The following PTPN2 variants were observed in gnomAD, a reference collection of about 807,000 sequenced individuals.
PTPN2 encodes tyrosine-protein phosphatase non-receptor type 2.
In PTPN2, 19 loss-of-function variants were observed where a neutral mutation model predicts 57.3. That is an observed-to-expected ratio of 0.33 (90% CI 0.23 to 0.49). PTPN2 has a LOEUF of 0.49. Among genes scored for constraint, PTPN2 ranks in the 20% least tolerant of loss-of-function variants. The pLI is 0.99. For missense variants in PTPN2, 358 were observed against 501.1 expected, an observed-to-expected ratio of 0.71 and a Z score of 2.73; for synonymous variants, 153 against 164.9, an observed-to-expected ratio of 0.93 and a Z score of 0.55.
chr18:12,876,296 A>AGAAGAAGAAGAAGAAGAAGAAGAAG (rs1555681230), intron 1 of PTPN2, among the ~76,000 whole-genome samples: 1 of 145,074 alleles, frequency 6.9e-6, no homozygotes, highest in Non-Finnish European at 1.5e-5. Context: ...ACAACAACAA[A>AGAAGAAGAAGAAGAAGAAGAAGAAG]AAGAAGAAGA....
At chr18:12,798,219 A>G (rs1463366767) in intron 8 of PTPN2, among the ~76,000 whole-genome samples, 1 of 152,194 alleles carries the variant, frequency 6.6e-6, no homozygotes, top group African/African-American at 2.4e-5. Flanking sequence ...TTTATACATC[A>G]CACATACATA....
chr18:12,848,314 T>C (rs775094358), intron 2 of PTPN2, among the ~76,000 whole-genome samples: 1 of 152,252 alleles, frequency 6.6e-6, no homozygotes, highest in Non-Finnish European at 1.5e-5. Flanking sequence ...AGAGGGGTTA[T>C]CTACGAAGCA....
chr18:12,812,964 T>TA (rs1185348504), intron 7 of PTPN2, among the ~76,000 whole-genome samples: 37 of 148,382 alleles, frequency 2.5e-4, no homozygotes, highest in Admixed American at 2.4e-3. Context: ...ATCTCTGTGA[T>TA]AAAAAAAGAT....
chr18:12,801,581 T>C (rs570687669), intron 8 of PTPN2, among the ~76,000 whole-genome samples: 1 of 152,268 alleles, frequency 6.6e-6, no homozygotes, highest in African/African-American at 2.4e-5. Flanking sequence ...ATTATTATTA[T>C]TTATGAGACA....
chr18:12,883,096 T>C (rs550343046), intron 1 of PTPN2, among the ~76,000 whole-genome samples: 3 of 152,312 alleles, frequency 2.0e-5, no homozygotes, highest in Admixed American at 6.5e-5. Context: ...ATTAGGGCGA[T>C]AGGCATCGGA....
chr18:12,821,121 C>T (rs1490279127), intron 5 of PTPN2, among the ~76,000 whole-genome samples: 1 of 152,114 alleles, frequency 6.6e-6, no homozygotes, highest in East Asian at 1.9e-4. Flanking sequence ...TACTTTCACA[C>T]TTTAGGTATA....
intron 1 of PTPN2, among the ~76,000 whole-genome samples, chr18:12,868,055 C>T (rs1257024325): frequency 2.0e-5 from 3 of 152,272 alleles, no homozygotes; most frequent in South Asian, 2.1e-4. Flanking sequence ...CTATCAACTC[C>T]TTAAGTCTCA....
chr18:12,838,445 T>A (rs925998342), intron 2 of PTPN2, among the ~76,000 whole-genome samples: 22 of 152,206 alleles, frequency 1.4e-4, no homozygotes, highest in Non-Finnish European at 1.5e-5. Context: ...GACTCTGAAC[T>A]AAAATTCACT....
chr18:12,829,382 G>A (rs779666937), intron 4 of PTPN2, among the ~76,000 whole-genome samples: 4 of 151,758 alleles, frequency 2.6e-5, no homozygotes, highest in Non-Finnish European at 5.9e-5. Context: ...GTGGGTGCTT[G>A]TAATCCCAGT....
At chr18:12,826,403 G>A (rs1330778780) in intron 4 of PTPN2, among the ~76,000 whole-genome samples, 1 of 151,954 alleles carries the variant, frequency 6.6e-6, no homozygotes, top group Non-Finnish European at 1.5e-5. Flanking sequence ...ACTCCATCTC[G>A]GGGAGCAGGG....
chr18:12,874,683 G>T (rs1270939352), intron 1 of PTPN2, among the ~76,000 whole-genome samples: 2 of 149,072 alleles, frequency 1.3e-5, no homozygotes, highest in African/African-American at 2.5e-5. Context: ...GGAGGGAGGT[G>T]GGGGGGTCAA....
At chr18:12,858,727 G>A (rs1424387682) in intron 2 of PTPN2, among the ~76,000 whole-genome samples, 2 of 151,778 alleles carry the variant, frequency 1.3e-5, no homozygotes, top group Non-Finnish European at 2.9e-5. Flanking sequence ...ACTCTTCTCT[G>A]TTTTCTAAGT....
rs115618888 is a variant in PTPN2, at chr18:12,824,622, C to T, written c.495+1188G>A. 3.7e-3 allele frequency among the ~76,000 whole-genome samples: 564 copies of T among 152,224 alleles called. 2 individuals carry two copies. The highest frequency in any genetic ancestry group is 0.013 in the African/African-American group (551 of 41,540). ...TAGCATCTCAGAATTACTCTCATTT[C>T]ATTATTTTCTAGTTTATTCTATTAC... is the stretch of plus-strand genomic sequence containing the variant. On this transcript the variant is annotated intron_variant, in intron 5 of 8. Transcript: ENST00000309660.
At chr18:12,861,305 A>G (rs1224666064) in intron 1 of PTPN2, among the ~76,000 whole-genome samples, 1 of 152,226 alleles carries the variant, frequency 6.6e-6, no homozygotes, top group Non-Finnish European at 1.5e-5. Flanking sequence ...TTCCAAATGG[A>G]AAGTTAATTG....
chr18:12,789,592 G>T (rs1032167724), downstream of PTPN2, among the ~76,000 whole-genome samples: 5 of 152,154 alleles, frequency 3.3e-5, no homozygotes, highest in Admixed American at 3.3e-4. Flanking sequence ...GGCGAGGGAG[G>T]ACCTCAGACA....
At chr18:12,869,951 G>A (rs2044130066) in intron 1 of PTPN2, among the ~76,000 whole-genome samples, 1 of 152,076 alleles carries the variant, frequency 6.6e-6, no homozygotes, top group African/African-American at 2.4e-5. Flanking sequence ...ACTTTAGGAT[G>A]GTAAAATAAC....
intron 2 of PTPN2, among the ~76,000 whole-genome samples, chr18:12,857,531 A>T (rs1264272772): frequency 6.6e-6 from 1 of 152,242 alleles, no homozygotes; most frequent in Non-Finnish European, 1.5e-5. Context: ...AAAAGTTTTT[A>T]AAAAATTAAA....
chr18:12,851,504 AG>A (rs771202994), intron 2 of PTPN2, among the ~76,000 whole-genome samples: 1 of 150,082 alleles, frequency 6.7e-6, no homozygotes, highest in Non-Finnish European at 1.5e-5. Context: ...AAAAAAAAAA[AG>A]AAAAAAGAAT....
At chr18:12,852,648 T>C (rs1379627227) in intron 2 of PTPN2, among the ~76,000 whole-genome samples, 1 of 152,206 alleles carries the variant, frequency 6.6e-6, no homozygotes, top group Non-Finnish European at 1.5e-5. Flanking sequence ...CCCAAAGCGT[T>C]GGGACTACAA....
Sources: allele counts gnomAD v4.1 joint callset (sites outside exome capture counted in the v4.1 genomes callset), GRCh38; gene constraint gnomAD v4.1.1; transcripts MANE v1.5; gene names NCBI Gene and HGNC (gene_info 2026-07-23, HGNC 2026-07-21).